NPEPPS: variants seen among roughly 807,000 people sequenced by gnomAD.
NPEPPS encodes puromycin-sensitive aminopeptidase.
NPEPPS carries 14 observed loss-of-function variants against 115.5 expected under a neutral mutation model. The observed-to-expected ratio is 0.12, with a 90% CI of 0.08 to 0.19. The LOEUF is 0.19. NPEPPS is among the 10% of genes least tolerant of loss of function. NPEPPS has a pLI of 1.00. For missense variants in NPEPPS, 523 were observed against 1,110.8 expected (o/e 0.47, Z 7.52); for synonymous variants, 285 against 390.6 (o/e 0.73, Z 3.19).
intron 17 of NPEPPS, among the ~76,000 whole-genome samples, chr17:47,607,869 G>C (rs1913609577): frequency 6.6e-6 from 1 of 152,198 alleles, no homozygotes; most frequent in Admixed American, 6.5e-5. Context: ...TAAAGATACA[G>C]AGTCTCGCTC....
chr17:47,619,578 T>C, intron 21 of NPEPPS, 159 bp from the exon 22 acceptor site: 1 of 658,562 alleles, frequency 1.5e-6, no homozygotes, highest in Non-Finnish European at 2.7e-6. Context: ...TTTCCTTAAA[T>C]AGTTACTGGC....
At chr17:47,618,903 A>T in intron 20 of NPEPPS, 106 bp from the exon 21 acceptor site, 1 of 995,350 alleles carries the variant, frequency 1.0e-6, no homozygotes, top group Non-Finnish European at 1.5e-6. Flanking sequence ...AAAACAAGGA[A>T]TAAGTGTCTT....
chr17:47,533,889 A>G (rs1908003946), intron 1 of NPEPPS, among the ~76,000 whole-genome samples: 1 of 152,254 alleles, frequency 6.6e-6, no homozygotes, highest in African/African-American at 2.4e-5. Flanking sequence ...AAGATGACAC[A>G]ATAGTGAATT....
chr17:47,548,917 C>G (rs1483404807), intron 2 of NPEPPS, among the ~76,000 whole-genome samples: 1 of 152,088 alleles, frequency 6.6e-6, no homozygotes, highest in African/African-American at 2.4e-5. Flanking sequence ...TGTTGCTAAG[C>G]TCATAATGAT....
upstream of NPEPPS, chr17:47,530,917 C>T (rs1907692303): frequency 6.6e-6 from 1 of 151,560 alleles, no homozygotes; most frequent in African/African-American, 2.4e-5. Context: ...TGGAAGGCCG[C>T]CCCCAGTCCT....
chr17:47,602,967 CAAT>C (rs1330599951), intron 15 of NPEPPS, among the ~76,000 whole-genome samples: 1 of 151,932 alleles, frequency 6.6e-6, no homozygotes, highest in Non-Finnish European at 1.5e-5. Flanking sequence ...TAAAGGGAAT[CAAT>C]AAAGTGATAG....
intron 10 of NPEPPS, 199 bp from the exon 11 acceptor site, chr17:47,591,757 G>C (rs1282725581): frequency 4.4e-6 from 2 of 457,366 alleles, no homozygotes; most frequent in African/African-American, 4.1e-5. Flanking sequence ...CAGGCTCTAA[G>C]GGATGACAGG....
rs1288508942 is a variant in NPEPPS at position 47,612,601 on chromosome 17, C to T, written c.2237C>T (p.Pro746Leu). ...ATTCTCTCCGCTGATCTGAGGAGTC[C>T]TGTAGGTTTTCATCATAAATTCCCT... is the stretch of plus-strand genomic sequence containing the variant. ...KQILSADLRSPVYLTVLKHGD... is the reference protein window; with the variant it reads ...KQILSADLRSLVYLTVLKHGD... The change falls in exon 18 of 23, where the codon CCT becomes CTT. Residue 746 changes from proline to leucine, a missense_variant and splice_region_variant. Pro to Leu is a moderately conservative substitution (Grantham distance 98). Around this residue, in one of 4 missense-constraint regions of NPEPPS, gnomAD observed 372 missense variants for 542.6 expected, o/e 0.69. Transcript: ENST00000322157. 2.5e-6 allele frequency: 4 copies of T among 1,612,708 alleles called. No homozygotes were observed. In the Admixed American group the frequency reaches 6.7e-5, roughly 27 times the overall value.
In NPEPPS at chr17:47,622,908, G is replaced by A. The variant is rs779291559; in HGVS notation, c.*988G>A. 7.0e-5 allele frequency: 32 copies of A among 455,812 alleles called. No homozygotes were observed. Among genetic ancestry groups the A allele is most frequent in the South Asian group, 1.5e-4 (10 of 64,560 alleles). 28.2% of individuals were successfully genotyped at this position (455,812 alleles called of 1,614,324 possible). A position where few individuals can be genotyped will look rare whatever the true frequency, so the allele number is the denominator to read the frequency against. ...TGGCTTCTCCCGGTTCATTTTATGCGTGCGAGAAGTCAGTGGTAACTGCTG... is the reference window on the plus strand; with the variant it reads ...TGGCTTCTCCCGGTTCATTTTATGCATGCGAGAAGTCAGTGGTAACTGCTG... On this transcript the variant is annotated 3_prime_UTR_variant, in exon 23 of 23. Coordinates refer to ENST00000322157, the MANE Select transcript of NPEPPS (RefSeq NM_006310.4).
intron 13 of NPEPPS, among the ~76,000 whole-genome samples, chr17:47,599,100 T>A (rs942389259): frequency 1.3e-5 from 2 of 152,240 alleles, no homozygotes; most frequent in African/African-American, 4.8e-5. Context: ...ATGATCTGTT[T>A]CTCACTTTAC....
chr17:47,543,827 A>G (rs1191627167), intron 1 of NPEPPS, among the ~76,000 whole-genome samples: 1 of 152,080 alleles, frequency 6.6e-6, no homozygotes, highest in African/African-American at 2.4e-5. Flanking sequence ...TTCCATGGAA[A>G]AATTCTCTCA....
chr17:47,600,526 C>A (rs1913130008), intron 14 of NPEPPS, among the ~76,000 whole-genome samples: 1 of 152,190 alleles, frequency 6.6e-6, no homozygotes, highest in African/African-American at 2.4e-5. Flanking sequence ...TGCCTCTTAC[C>A]TATAATCCAC....
chr17:47,609,985 CTG>C (rs928055871), intron 17 of NPEPPS, among the ~76,000 whole-genome samples: 3 of 152,150 alleles, frequency 2.0e-5, no homozygotes, highest in East Asian at 1.9e-4. Context: ...GTGCCATTAA[CTG>C]TTTTTTTAAT....
At chr17:47,619,643 T>C in intron 21 of NPEPPS, 94 bp from the exon 22 acceptor site, 2 of 994,406 alleles carry the variant, frequency 2.0e-6, no homozygotes, top group Non-Finnish European at 3.2e-6. Flanking sequence ...CAGACTGAAG[T>C]TGGCAGAGAA....
chr17:47,562,034 G>C (rs1310084686), intron 2 of NPEPPS, among the ~76,000 whole-genome samples: 2 of 152,230 alleles, frequency 1.3e-5, no homozygotes, highest in Non-Finnish European at 2.9e-5. Flanking sequence ...CTGGAGGGTG[G>C]TGCACCCAGG....
chr17:47,592,608 A>T (rs1912578313), intron 12 of NPEPPS, 63 bp downstream of exon 12: 1 of 1,407,084 alleles, frequency 7.1e-7, no homozygotes, highest in Non-Finnish European at 9.7e-7. Flanking sequence ...CCAGGCTGGG[A>T]CATTTTATTT....
At chr17:47,524,349 G>C (rs370201522) in intron 1 of NPEPPS, among the ~76,000 whole-genome samples, 2 of 151,776 alleles carry the variant, frequency 1.3e-5, no homozygotes, top group South Asian at 2.1e-4. Context: ...ACAGAGACAG[G>C]ATTTCACTCT....
chr17:47,532,084 G>T (rs1375052115), intron 1 of NPEPPS, among the ~76,000 whole-genome samples: 1 of 152,108 alleles, frequency 6.6e-6, no homozygotes, highest in Non-Finnish European at 1.5e-5. Context: ...GGAGCTTCTA[G>T]AAGGGGGGGG....
chr17:47,565,847 A>C (rs1272011908), intron 2 of NPEPPS, among the ~76,000 whole-genome samples: 1 of 152,042 alleles, frequency 6.6e-6, no homozygotes, highest in African/African-American at 2.4e-5. Flanking sequence ...ATTTGAGCAG[A>C]GGCCTGAATG....
Sources: gnomAD v4.1 joint callset for allele counts (sites outside exome capture counted in the v4.1 genomes callset) on GRCh38, gnomAD v4.1.1 for gene constraint, gnomAD v4.1.1 regional missense constraint, MANE v1.5 for transcripts, NCBI Gene and HGNC (gene_info 2026-07-23, HGNC 2026-07-21) for gene names.